Variants in SDC2 observed in about 807,000 individuals in gnomAD.
SDC2 encodes syndecan 2, also known as syndecan-2.
Under a neutral mutation model 22.2 loss-of-function variants are expected in SDC2, and 13 were observed. The ratio of observed to expected loss-of-function variants is 0.59; its 90% CI spans 0.38 to 0.93. The LOEUF is 0.93. SDC2 is among the 40% of genes least tolerant of loss of function. The probability of loss-of-function intolerance (pLI) is 0.00; values close to 1 mark genes in which losing one functional copy is unlikely to be tolerated. For missense variants in SDC2, 235 were observed against 246.8 expected, an observed-to-expected ratio of 0.95 and a Z score of 0.32; for synonymous variants, 94 against 92.8, an observed-to-expected ratio of 1.01 and a Z score of -0.07.
At chr8:96,587,766 A>T (rs947616639) in intron 1 of SDC2, among the ~76,000 whole-genome samples, 1 of 152,196 alleles carries the variant, frequency 6.6e-6, no homozygotes, top group Non-Finnish European at 1.5e-5. Flanking sequence ...TCAAAGTTTG[A>T]AAATGCTGGA....
At chr8:96,529,926 G>A (rs547167627) in intron 1 of SDC2, among the ~76,000 whole-genome samples, 5 of 152,086 alleles carry the variant, frequency 3.3e-5, no homozygotes, top group South Asian at 2.1e-4. Flanking sequence ...AGGCATTACC[G>A]CCTTCCCTCT....
chr8:96,599,598 G>A (rs58565321), intron 2 of SDC2, among the ~76,000 whole-genome samples: 187 of 152,188 alleles, frequency 1.2e-3, no homozygotes, highest in African/African-American at 4.3e-3. Context: ...TGTTAGATAT[G>A]TATCTGTGAT....
intron 1 of SDC2, among the ~76,000 whole-genome samples, chr8:96,564,564 A>G (rs955247672): frequency 6.6e-6 from 1 of 152,210 alleles, no homozygotes; most frequent in African/African-American, 2.4e-5. Context: ...AAGGGTCTCT[A>G]ATTTAATGGA....
chr8:96,541,503 C>CAA (rs201996850), intron 1 of SDC2, among the ~76,000 whole-genome samples: 1,969 of 103,188 alleles, frequency 0.019, 55 homozygotes, highest in African/African-American at 0.066. Flanking sequence ...AAGCCCATCT[C>CAA]AAAAAAAAAA....
chr8:96,543,820 C>T (rs1813889661), intron 1 of SDC2, among the ~76,000 whole-genome samples: 1 of 152,092 alleles, frequency 6.6e-6, no homozygotes, highest in Non-Finnish European at 1.5e-5. Context: ...GTGCGTGTTC[C>T]TTGTGTACTT....
In SDC2 at chr8:96,494,242, G is replaced by A; in HGVS notation, c.-30G>A. On this transcript the variant is annotated 5_prime_UTR_variant, in exon 1 of 5. Transcript: ENST00000302190. The stretch of plus-strand genomic sequence containing the variant: ...CTTCGTTTTGCCCTGGTTGCAAGCA[G>A]CGGCTGGGAGCAGCCGGTCCCTGGG... The A allele has an allele frequency of 1.3e-6, 2 of 1,540,534 alleles. No homozygotes were observed. Among genetic ancestry groups the A allele is most frequent in the Non-Finnish European group, 1.7e-6 (2 of 1,146,234 alleles).
intron 1 of SDC2, among the ~76,000 whole-genome samples, chr8:96,552,799 A>G (rs1229099259): frequency 6.6e-6 from 1 of 152,214 alleles, no homozygotes; most frequent in Non-Finnish European, 1.5e-5. Flanking sequence ...TTAATGTTTC[A>G]TATAAAATGG....
chr8:96,609,647 A>C lies in SDC2; in HGVS notation c.*99A>C. ...GATCTTTGTTTTTTGTTTTCATTAA[A>C]GAGCCATTCTGGCACTTTAATGATA... On this transcript the variant is annotated 3_prime_UTR_variant, in exon 5 of 5. Coordinates refer to ENST00000302190, the MANE Select transcript of SDC2 (RefSeq NM_002998.4). 1 of 789,868 alleles carries C rather than the reference A, an allele frequency of 1.3e-6. No individual in the cohort carries two copies. Among genetic ancestry groups the C allele is most frequent in the East Asian group, 3.0e-5 (1 of 32,910 alleles). 48.9% of individuals were successfully genotyped at this position (789,868 alleles called of 1,614,324 possible). A position where few individuals can be genotyped will look rare whatever the true frequency, so the allele number is the denominator to read the frequency against.
chr8:96,604,555 C>A (rs751634010), intron 3 of SDC2, among the ~76,000 whole-genome samples: 1 of 152,000 alleles, frequency 6.6e-6, no homozygotes, highest in Non-Finnish European at 1.5e-5. Context: ...GTGGTACAGC[C>A]GAATTGAACA....
At chr8:96,576,377 TTGTTTTG>T (rs1363621878) in intron 1 of SDC2, among the ~76,000 whole-genome samples, 20 of 65,794 alleles carry the variant, frequency 3.0e-4, no homozygotes, top group African/African-American at 9.8e-4. Context: ...TGTTTTTGTT[TTGTTTTG>T]TTTTTTTTTA....
At chr8:96,545,616 T>G (rs1813919024) in intron 1 of SDC2, among the ~76,000 whole-genome samples, 1 of 152,192 alleles carries the variant, frequency 6.6e-6, no homozygotes. Flanking sequence ...CAGCTTTCAG[T>G]GGAAGATTAT....
At chr8:96,539,728 T>A (rs1189515733) in intron 1 of SDC2, among the ~76,000 whole-genome samples, 2 of 152,368 alleles carry the variant, frequency 1.3e-5, no homozygotes, top group Non-Finnish European at 2.9e-5. Context: ...AACAAGGCAG[T>A]CTACTCCGTT....
At chr8:96,578,570 C>T (rs1425120440) in intron 1 of SDC2, among the ~76,000 whole-genome samples, 1 of 152,144 alleles carries the variant, frequency 6.6e-6, no homozygotes, top group Non-Finnish European at 1.5e-5. Flanking sequence ...CTCTTTTGTG[C>T]CACAATTTTA....
Position 96,517,878 on chromosome 8 carries a change from G to A in SDC2, c.60+23547G>A, listed in dbSNP as rs561203108. Among the ~76,000 whole-genome samples, 8 of 152,092 alleles carry A rather than the reference G, an allele frequency of 5.3e-5. No homozygotes were observed. The South Asian group carries it at 1.5e-3, about 28-fold the overall frequency. Reference sequence around the variant, plus strand: ...TTTAGGTGATTAGGGAAATGGACAAGTCAATAGGTAGGAATTAAAGACGTT... The same window carrying A: ...TTTAGGTGATTAGGGAAATGGACAAATCAATAGGTAGGAATTAAAGACGTT... On this transcript the variant is annotated intron_variant, in intron 1 of 4. Coordinates refer to ENST00000302190, the MANE Select transcript of SDC2 (RefSeq NM_002998.4).
chr8:96,498,175 G>T (rs2130414356), intron 1 of SDC2, among the ~76,000 whole-genome samples: 1 of 152,328 alleles, frequency 6.6e-6, no homozygotes, highest in Non-Finnish European at 1.5e-5. Context: ...TCATTCTGCA[G>T]ATATTTATTT....
At chr8:96,600,885 G>A (rs1444824712) in intron 2 of SDC2, among the ~76,000 whole-genome samples, 1 of 152,120 alleles carries the variant, frequency 6.6e-6, no homozygotes, top group South Asian at 2.1e-4. Context: ...GGTAAAAGCC[G>A]ATGATGTAAA....
chr8:96,576,378 T>TTTTTTTTTTTTTTTTTTTTTTTTCCA (rs1814497133), intron 1 of SDC2, among the ~76,000 whole-genome samples: 1 of 68,338 alleles, frequency 1.5e-5, no homozygotes, highest in Non-Finnish European at 3.0e-5. Context: ...GTTTTTGTTT[T>TTTTTTTTTTTTTTTTTTTTTTTTCCA]GTTTTGTTTT....
chr8:96,540,972 C>G (rs1211139098), intron 1 of SDC2, among the ~76,000 whole-genome samples: 1 of 152,128 alleles, frequency 6.6e-6, no homozygotes, highest in African/African-American at 2.4e-5. Context: ...TAAGAAATTT[C>G]AAATATTCCA....
intron 1 of SDC2, among the ~76,000 whole-genome samples, chr8:96,568,105 C>A (rs193133586): frequency 6.6e-6 from 1 of 152,262 alleles, no homozygotes; most frequent in East Asian, 1.9e-4. Context: ...AGGAGAATTG[C>A]CTCAATTTTC....
Sources: allele counts gnomAD v4.1 joint callset (sites outside exome capture counted in the v4.1 genomes callset), GRCh38; gene constraint gnomAD v4.1.1; transcripts MANE v1.5; gene names NCBI Gene and HGNC (gene_info 2026-07-23, HGNC 2026-07-21).